The following ATP7A variants were observed in gnomAD, a reference collection of about 807,000 sequenced individuals.
ATP7A encodes the protein ATPase copper transporting alpha.
Under a neutral mutation model 83.5 loss-of-function variants are expected in ATP7A, and 7 were observed. The ratio of observed to expected loss-of-function variants is 0.08; its 90% CI spans 0.05 to 0.16. The LOEUF (loss-of-function observed/expected upper bound fraction) is 0.16, where lower values mean the gene tolerates loss of function less well. Ranked by LOEUF, ATP7A falls within the 10% of genes least tolerant of loss-of-function variation. The pLI is 1.00. For synonymous variants in ATP7A, 354 were observed against 395.2 expected, an observed-to-expected ratio of 0.90 and a Z score of 1.24; for missense variants, 940 against 1,120.8, an observed-to-expected ratio of 0.84 and a Z score of 2.30.
At chrX:77,925,412 C>T (rs928470420) in intron 1 of ATP7A, among the ~76,000 whole-genome samples, 2 of 111,220 alleles carry the variant, frequency 1.8e-5, no homozygotes, top group East Asian at 2.8e-4. Flanking sequence ...CAAATGCTAG[C>T]GTGTATAGGG....
intron 8 of ATP7A, 37 bp downstream of exon 8, chrX:78,011,289 G>T: frequency 8.6e-7 from 1 of 1,166,459 alleles, no homozygotes; most frequent in South Asian, 1.8e-5. Flanking sequence ...AACAGATTTT[G>T]ACTCCTTATT....
At chrX:77,926,285 T>C (rs1328953196) in intron 1 of ATP7A, among the ~76,000 whole-genome samples, 2 of 112,336 alleles carry the variant, frequency 1.8e-5, no homozygotes, top group African/African-American at 6.5e-5. Flanking sequence ...TACTTTTATT[T>C]CTGATTAGAA....
At chrX:77,921,336 C>T (rs1424822264) in intron 1 of ATP7A, among the ~76,000 whole-genome samples, 1 of 111,844 alleles carries the variant, frequency 8.9e-6, no homozygotes, top group Non-Finnish European at 1.9e-5. Context: ...TCTTCAAGGC[C>T]GTTTACCTAA....
At position 77,988,723 on chromosome X, in the gene ATP7A, G is replaced by T. The variant is rs897502448; in HGVS notation, c.602G>T (p.Arg201Leu). The change falls in exon 3 of 23, where the codon CGA becomes CTA. Residue 201 changes from arginine (R) to leucine (L), a missense_variant. Arg to Leu is a moderately radical substitution (Grantham distance 102, BLOSUM62 -2). Transcript: ENST00000341514. ...GKIGKLQGVQRIKVSLDNQEA... is the reference protein window; with the variant it reads ...GKIGKLQGVQLIKVSLDNQEA... ...ATTGGGAAACTGCAAGGTGTTCAGCGAATTAAAGGTAATGTGTCTGGTGTT... is the reference window on the plus strand; with the variant it reads ...ATTGGGAAACTGCAAGGTGTTCAGCTAATTAAAGGTAATGTGTCTGGTGTT... 1.7e-6 allele frequency: 2 copies of T among 1,209,042 alleles called. No individual in the cohort carries two copies. Among genetic ancestry groups the T allele is most frequent in the South Asian group, 1.8e-5 (1 of 56,740 alleles).
chrX:77,969,588 G>A (rs1557229361), intron 1 of ATP7A: 6 of 1,210,578 alleles, frequency 5.0e-6, no homozygotes, highest in Non-Finnish European at 6.7e-6. Context: ...GGTTCTCCAG[G>A]TTCCATGTGC....
At chrX:78,020,566 G>T (rs111828885) in intron 13 of ATP7A, among the ~76,000 whole-genome samples, 168 bp downstream of exon 13, 3 of 111,940 alleles carry the variant, frequency 2.7e-5, no homozygotes, top group African/African-American at 9.7e-5. Context: ...AGGCTGGAGT[G>T]CAGTGGCACC....
chrX:77,996,943 G>C (rs2077708350), intron 4 of ATP7A, among the ~76,000 whole-genome samples: 1 of 110,643 alleles, frequency 9.0e-6, no homozygotes, highest in African/African-American at 3.3e-5. Context: ...TTTTAAAAAA[G>C]CATAACAGCA....
intron 1 of ATP7A, among the ~76,000 whole-genome samples, chrX:77,935,076 G>T (rs1557224940): frequency 1.8e-5 from 2 of 110,528 alleles, no homozygotes; most frequent in African/African-American, 6.6e-5. Flanking sequence ...CCTCCCAAAT[G>T]CGGGATTACA....
At chrX:77,970,206 T>G (rs1488549929) in intron 1 of ATP7A, among the ~76,000 whole-genome samples, 1 of 111,724 alleles carries the variant, frequency 9.0e-6, no homozygotes, top group Non-Finnish European at 1.9e-5. Context: ...AACCTCTCCA[T>G]AAGGCTGCTT....
intron 1 of ATP7A, among the ~76,000 whole-genome samples, chrX:77,928,693 A>G: frequency 1.8e-5 from 2 of 112,286 alleles, no homozygotes; most frequent in South Asian, 7.3e-4. Flanking sequence ...GGACCTTTGA[A>G]CCTAGCCATC....
At chrX:78,008,352 G>A (rs961355675) in intron 6 of ATP7A, among the ~76,000 whole-genome samples, 13 of 111,603 alleles carry the variant, frequency 1.2e-4, no homozygotes, top group Non-Finnish European at 2.3e-4. Flanking sequence ...AGCTCCTCAC[G>A]CAGTCATTCT....
chrX:78,010,787 G>C (rs1413362466), intron 7 of ATP7A, among the ~76,000 whole-genome samples: 2 of 108,519 alleles, frequency 1.8e-5, no homozygotes, highest in Admixed American at 2.0e-4. Flanking sequence ...CACCGTGTTG[G>C]CCATACTGCT....
chrX:77,956,168 A>T (rs910641032), intron 1 of ATP7A, among the ~76,000 whole-genome samples: 1 of 111,667 alleles, frequency 9.0e-6, no homozygotes, highest in Non-Finnish European at 1.9e-5. Context: ...CAGTAGTGGG[A>T]TTGCTGGATC....
intron 2 of ATP7A, among the ~76,000 whole-genome samples, chrX:77,987,890 C>G (rs2077647719): frequency 9.0e-6 from 1 of 110,610 alleles, no homozygotes; most frequent in African/African-American, 3.3e-5. Flanking sequence ...TCATGTATAA[C>G]CTTTTCAGTT....
intron 1 of ATP7A, among the ~76,000 whole-genome samples, chrX:77,930,624 A>G (rs1199392880): frequency 1.8e-5 from 2 of 112,059 alleles, no homozygotes; most frequent in Non-Finnish European, 3.8e-5. Context: ...TTGAACTCAG[A>G]CTTAACTACT....
intron 1 of ATP7A, among the ~76,000 whole-genome samples, chrX:77,931,669 G>A (rs1379984632): frequency 9.6e-6 from 1 of 104,158 alleles, no homozygotes; most frequent in African/African-American, 3.5e-5. Flanking sequence ...CCTCCCGGAC[G>A]GGGTGGCTGG....
chrX:77,911,157 G>A (rs782353001), intron 1 of ATP7A, among the ~76,000 whole-genome samples: 1 of 112,214 alleles, frequency 8.9e-6, no homozygotes, highest in East Asian at 2.8e-4. Context: ...CATGGACTGG[G>A]GTCTTTGCTT....
rs782554141 is a variant in ATP7A at position 77,969,557 on chromosome X, C to T, written c.-21-2064C>T. 23 of 1,210,202 alleles carry T rather than the reference C, an allele frequency of 1.9e-5. No individual in the cohort carries two copies. In the Admixed American group the frequency reaches 4.8e-4, roughly 25 times the overall value. On this transcript the variant is annotated intron_variant, in intron 1 of 22. Transcript: ENST00000341514. The stretch of plus-strand genomic sequence containing the variant: ...TCGTGGCCCGCCGGGCTCAGATCGG[C>T]GTCGTACCAGCAGCTGAAGCGGTTC...
At chrX:77,918,066 C>CTTT (rs1311945353) in intron 1 of ATP7A, among the ~76,000 whole-genome samples, 3 of 90,607 alleles carry the variant, frequency 3.3e-5, no homozygotes, top group Admixed American at 1.2e-4. Flanking sequence ...TGTTCAGGCA[C>CTTT]TTTTTTTTTT....
Sources: gnomAD v4.1 joint callset for allele counts (sites outside exome capture counted in the v4.1 genomes callset) on GRCh38, gnomAD v4.1.1 for gene constraint, MANE v1.5 for transcripts, NCBI Gene and HGNC (gene_info 2026-07-23, HGNC 2026-07-21) for gene names.